MAGI3: variants seen among roughly 807,000 people sequenced by gnomAD.
The protein encoded by MAGI3 is membrane associated guanylate kinase, WW and PDZ domain containing 3.
In MAGI3, 43 loss-of-function variants were observed where a neutral mutation model predicts 121.8. That is an observed-to-expected ratio of 0.35 (90% CI 0.28 to 0.46). The LOEUF is 0.46. MAGI3 is among the 20% of genes least tolerant of loss of function. The pLI is 1.00. For missense variants in MAGI3, 1,547 were observed against 1,797.3 expected (o/e 0.86, Z 2.52); for synonymous variants, 553 against 639.3 (o/e 0.86, Z 2.04).
At chr1:113,584,928 G>A (rs1648260330) in intron 3 of MAGI3, among the ~76,000 whole-genome samples, 1 of 149,084 alleles carries the variant, frequency 6.7e-6, no homozygotes, top group African/African-American at 2.5e-5. Context: ...TGAGTGCTTT[G>A]AGCGCTTTGG....
intron 1 of MAGI3, among the ~76,000 whole-genome samples, chr1:113,518,996 G>A (rs550503165): frequency 3.9e-5 from 6 of 151,972 alleles, no homozygotes; most frequent in Admixed American, 6.6e-5. Flanking sequence ...TGTTTCCCCC[G>A]TTACTACGAA....
At chr1:113,667,497 G>T (rs1267233879) in intron 16 of MAGI3, among the ~76,000 whole-genome samples, 2 of 152,228 alleles carry the variant, frequency 1.3e-5, no homozygotes, top group Non-Finnish European at 2.9e-5. Flanking sequence ...CCTTGCTCTG[G>T]ATTAGGCTTT....
chr1:113,642,115 G>C lies in MAGI3; in HGVS notation c.1565G>C (p.Gly522Ala). Residue 522 changes from glycine (G) to alanine (A), a missense_variant, in exon 10 of 21, where the codon GGA (glycine) becomes GCA (alanine). Coordinates refer to ENST00000307546, the MANE Select transcript of MAGI3 (RefSeq NM_001142782.2). ...ATCAATGGACAGTCATTAACCAAGG[G>C]AGAGACTTGCATGAATCCTCAGGAT... ...PVINGQSLTK[G>A]ETCMNPQDFK... The C allele has an allele frequency of 6.2e-7, 1 of 1,614,128 alleles. No homozygotes were observed. Among genetic ancestry groups the C allele is most frequent in the Non-Finnish European group, 8.5e-7 (1 of 1,180,012 alleles).
intron 1 of MAGI3, among the ~76,000 whole-genome samples, chr1:113,548,366 A>G (rs1220880810): frequency 6.6e-6 from 1 of 152,142 alleles, no homozygotes; most frequent in African/African-American, 2.4e-5. Context: ...TCTGCTTAAT[A>G]TTTCTTTGAG....
intron 6 of MAGI3, among the ~76,000 whole-genome samples, chr1:113,608,970 C>A (rs1444277991): frequency 1.3e-5 from 2 of 152,136 alleles, no homozygotes; most frequent in African/African-American, 4.8e-5. Context: ...ATAGAATGAT[C>A]AAAATTGCAT....
At chr1:113,463,606 A>G (rs368589512) in intron 1 of MAGI3, among the ~76,000 whole-genome samples, 18 of 152,160 alleles carry the variant, frequency 1.2e-4, no homozygotes, top group African/African-American at 4.1e-4. Context: ...CCTGTTTGTG[A>G]TGGATTAAAA....
intron 1 of MAGI3, among the ~76,000 whole-genome samples, chr1:113,444,418 A>G (rs972979644): frequency 3.3e-5 from 5 of 152,052 alleles, no homozygotes; most frequent in Admixed American, 2.0e-4. Flanking sequence ...TCTTTTTGGG[A>G]GCAGACATGA....
At chr1:113,514,109 A>C (rs1378574857) in intron 1 of MAGI3, among the ~76,000 whole-genome samples, 7 of 152,298 alleles carry the variant, frequency 4.6e-5, no homozygotes, top group East Asian at 1.9e-4. Context: ...GGCGATCATT[A>C]AAAAGTCAGG....
chr1:113,520,695 T>C lies in MAGI3; in HGVS notation c.317-28820T>C, dbSNP rs375571737. On this transcript the variant is annotated intron_variant, in intron 1 of 20. Transcript: ENST00000307546. ...TCAGCTCACCACAACTTCGGTCTCC[T>C]CAGTTCAAGTGATTCTCCTGACTCA... is the stretch of plus-strand genomic sequence containing the variant. Among the ~76,000 whole-genome samples, 4 of 152,236 alleles carry C rather than the reference T, an allele frequency of 2.6e-5. No individual in the cohort carries two copies. The East Asian group carries it at 7.8e-4, about 30-fold the overall frequency.
At chr1:113,582,611 G>A (rs936621309) in intron 3 of MAGI3, among the ~76,000 whole-genome samples, 2 of 151,948 alleles carry the variant, frequency 1.3e-5, no homozygotes, top group Non-Finnish European at 2.9e-5. Flanking sequence ...ACTCTGTGAA[G>A]CTTTTATGAA....
At chr1:113,553,779 G>C (rs1362407771) in intron 2 of MAGI3, among the ~76,000 whole-genome samples, 1 of 152,224 alleles carries the variant, frequency 6.6e-6, no homozygotes. Context: ...GGGAGGCTGA[G>C]GCAGGCGGAT....
At chr1:113,420,087 A>C (rs538928879) in intron 1 of MAGI3, among the ~76,000 whole-genome samples, 1 of 152,316 alleles carries the variant, frequency 6.6e-6, no homozygotes, top group South Asian at 2.1e-4. Flanking sequence ...TTAAGGGAGA[A>C]CTTTCTAACC....
At chr1:113,433,233 G>C (rs962837843) in intron 1 of MAGI3, among the ~76,000 whole-genome samples, 11 of 152,110 alleles carry the variant, frequency 7.2e-5, no homozygotes, top group Non-Finnish European at 1.6e-4. Flanking sequence ...CTTGTGAGAG[G>C]TGATGTGATT....
intron 1 of MAGI3, among the ~76,000 whole-genome samples, chr1:113,426,934 C>A (rs886781728): frequency 1.3e-5 from 2 of 151,802 alleles, no homozygotes; most frequent in African/African-American, 4.8e-5. Flanking sequence ...ATTACTCTCT[C>A]TATATATATC....
At chr1:113,412,063 C>T (rs191295251) in intron 1 of MAGI3, among the ~76,000 whole-genome samples, 68 of 138,296 alleles carry the variant, frequency 4.9e-4, no homozygotes, top group African/African-American at 1.0e-3. Context: ...TGATGTTCCC[C>T]GCCCTGTATC....
In MAGI3 at chr1:113,602,271, A is replaced by C. The variant is rs534899032; in HGVS notation, c.1018+7711A>C. Among the ~76,000 whole-genome samples, 8 of 152,308 alleles carry C rather than the reference A, an allele frequency of 5.3e-5. No individual in the cohort carries two copies. In the South Asian group the frequency reaches 6.2e-4, roughly 12 times the overall value. On this transcript the variant is annotated intron_variant, in intron 6 of 20. Transcript: ENST00000307546. ...TCAAAATCATATGAGGTATCTTCTC[A>C]GACCACAGTGGAATAAAACTAGAAA... is the stretch of plus-strand genomic sequence containing the variant.
At chr1:113,469,096 G>C (rs1266156877) in intron 1 of MAGI3, among the ~76,000 whole-genome samples, 1 of 152,136 alleles carries the variant, frequency 6.6e-6, no homozygotes, top group East Asian at 1.9e-4. Context: ...GAATACAAGA[G>C]TAATAGCACT....
rs191520594 is a variant in MAGI3 at position 113,584,908 on chromosome 1, T to A, written c.554-479T>A. Among the ~76,000 whole-genome samples, 43 of 152,068 alleles carry A rather than the reference T, an allele frequency of 2.8e-4. No individual in the cohort carries two copies. The East Asian group carries it at 7.9e-3, about 28-fold the overall frequency. ...TCTTTCCCCTATTTCTGCTCTCTCTTCTCGTAAGATGAGTGCTTTGAGCGC... is the reference window on the plus strand; with the variant it reads ...TCTTTCCCCTATTTCTGCTCTCTCTACTCGTAAGATGAGTGCTTTGAGCGC... On this transcript the variant is annotated intron_variant, in intron 3 of 20. Coordinates refer to ENST00000307546, the MANE Select transcript of MAGI3 (RefSeq NM_001142782.2).
At chr1:113,533,982 T>C (rs562485931) in intron 1 of MAGI3, among the ~76,000 whole-genome samples, 4 of 152,270 alleles carry the variant, frequency 2.6e-5, no homozygotes, top group African/African-American at 7.2e-5. Flanking sequence ...TTCATTCTCT[T>C]TTCTCCTGCA....
Sources: allele counts gnomAD v4.1 joint callset (sites outside exome capture counted in the v4.1 genomes callset), GRCh38; gene constraint gnomAD v4.1.1; transcripts MANE v1.5; gene names NCBI Gene and HGNC (gene_info 2026-07-23, HGNC 2026-07-21).